Variants in SAMTOR observed in about 807,000 individuals in gnomAD.
SAMTOR encodes S-adenosylmethionine sensor upstream of mTORC1.
the SAMTOR span, among the ~76,000 whole-genome samples, chr7:112,830,073 T>A: frequency 6.6e-6 from 1 of 152,066 alleles, no homozygotes; most frequent in Non-Finnish European, 1.5e-5. Flanking sequence ...CTCGGTCTCC[T>A]AGGACTCTCA....
chr7:112,903,661 A>G, the SAMTOR span, among the ~76,000 whole-genome samples: 1 of 152,210 alleles, frequency 6.6e-6, no homozygotes, highest in Non-Finnish European at 1.5e-5. Context: ...AAGGTTCAGC[A>G]GAGAGCAAGA....
chr7:112,898,437 G>A, the SAMTOR span, among the ~76,000 whole-genome samples: 1 of 152,072 alleles, frequency 6.6e-6, no homozygotes, highest in Non-Finnish European at 1.5e-5. Context: ...AGGAGACTTT[G>A]CCTTGCAACC....
At chr7:112,829,697 T>A in the SAMTOR span, among the ~76,000 whole-genome samples, 1 of 152,218 alleles carries the variant, frequency 6.6e-6, no homozygotes, top group Non-Finnish European at 1.5e-5. Flanking sequence ...CTGAAGTTTT[T>A]GGGTCTTACT....
chr7:112,841,659 A>G, the SAMTOR span, among the ~76,000 whole-genome samples: 13 of 152,036 alleles, frequency 8.6e-5, no homozygotes, highest in Non-Finnish European at 4.4e-5. Context: ...GAGGCATCAC[A>G]CTACCTGACT....
chr7:112,867,275 A>G, the SAMTOR span, among the ~76,000 whole-genome samples: 1 of 152,246 alleles, frequency 6.6e-6, no homozygotes, highest in Non-Finnish European at 1.5e-5. Context: ...TCAATTTTGT[A>G]ATCACTGGAC....
At chr7:112,835,141 CTG>C in the SAMTOR span, among the ~76,000 whole-genome samples, 8 of 152,084 alleles carry the variant, frequency 5.3e-5, no homozygotes, top group Admixed American at 5.2e-4. Flanking sequence ...CATGTACTCT[CTG>C]TGAAGAAGGG....
At chr7:112,878,077 A>G in the SAMTOR span, among the ~76,000 whole-genome samples, 1 of 152,180 alleles carries the variant, frequency 6.6e-6, no homozygotes, top group Non-Finnish European at 1.5e-5. Flanking sequence ...CTGTCATACC[A>G]TCATGTTTTA....
chr7:112,832,769 C>A, the SAMTOR span: 1 of 717,472 alleles, frequency 1.4e-6, no homozygotes, highest in East Asian at 2.7e-5. Context: ...TCTCAGGACC[C>A]TTTTACACAT....
chr7:112,847,326 ACTATT>A, the SAMTOR span, among the ~76,000 whole-genome samples: 1 of 152,220 alleles, frequency 6.6e-6, no homozygotes, highest in African/African-American at 2.4e-5. Flanking sequence ...TCCTAATTGA[ACTATT>A]CTTTCTTACT....
the SAMTOR span, among the ~76,000 whole-genome samples, chr7:112,876,725 C>T: frequency 6.6e-6 from 1 of 152,160 alleles, no homozygotes; most frequent in South Asian, 2.1e-4. Context: ...GATGGCTTCA[C>T]CTGTACTGCA....
the SAMTOR span, among the ~76,000 whole-genome samples, chr7:112,830,737 G>A: frequency 6.6e-6 from 1 of 152,160 alleles, no homozygotes; most frequent in African/African-American, 2.4e-5. Flanking sequence ...ATGTTATACA[G>A]ATTTAATCAT....
the SAMTOR span, among the ~76,000 whole-genome samples, chr7:112,938,335 T>C: frequency 1.3e-5 from 2 of 152,232 alleles, no homozygotes; most frequent in African/African-American, 2.4e-5. Context: ...TTGGGGATGA[T>C]TAAACAGCCT....
At chr7:112,872,520 C>T in the SAMTOR span, among the ~76,000 whole-genome samples, 2 of 152,020 alleles carry the variant, frequency 1.3e-5, no homozygotes, top group Non-Finnish European at 2.9e-5. Flanking sequence ...TCATGCTGAA[C>T]TGGCAAAAGC....
the SAMTOR span, among the ~76,000 whole-genome samples, chr7:112,916,614 C>T: frequency 2.0e-5 from 3 of 152,068 alleles, no homozygotes; most frequent in Non-Finnish European, 4.4e-5. Context: ...TGCAGTGCAC[C>T]GTGTGGGAGC....
At chr7:112,845,152 G>A in the SAMTOR span, among the ~76,000 whole-genome samples, 1 of 152,014 alleles carries the variant, frequency 6.6e-6, no homozygotes, top group African/African-American at 2.4e-5. Context: ...AAGACAACCT[G>A]GGCAACACCA....
the SAMTOR span, among the ~76,000 whole-genome samples, chr7:112,830,378 G>C: frequency 6.6e-6 from 1 of 152,114 alleles, no homozygotes; most frequent in Non-Finnish European, 1.5e-5. Flanking sequence ...ATAGGATTCT[G>C]AACTGTGAAA....
At chr7:112,867,631 A>C in the SAMTOR span, among the ~76,000 whole-genome samples, 3 of 152,212 alleles carry the variant, frequency 2.0e-5, no homozygotes, top group Non-Finnish European at 4.4e-5. Context: ...GCATGTGTCA[A>C]AACTTTTGGA....
chr7:112,881,654 C>T, the SAMTOR span, among the ~76,000 whole-genome samples: 1 of 152,190 alleles, frequency 6.6e-6, no homozygotes, highest in Non-Finnish European at 1.5e-5. Context: ...TGCCTGCCTA[C>T]AGAAACAAGT....
chr7:112,872,272 T>C, the SAMTOR span, among the ~76,000 whole-genome samples: 2 of 152,082 alleles, frequency 1.3e-5, no homozygotes, highest in South Asian at 2.1e-4. Context: ...ATCAGAAAGT[T>C]AATTCATGAT....
Sources: allele counts gnomAD v4.1 joint callset (sites outside exome capture counted in the v4.1 genomes callset), GRCh38; gene constraint gnomAD v4.1.1; transcripts MANE v1.5; gene names NCBI Gene and HGNC (gene_info 2026-07-23, HGNC 2026-07-21).